RIIAD1: variants seen among roughly 807,000 people sequenced by gnomAD.
The protein encoded by RIIAD1 is RIIa domain-containing protein 1.
In RIIAD1, 15 loss-of-function variants were observed where a neutral mutation model predicts 13.3. The observed-to-expected ratio is 1.13, with a 90% CI of 0.76 to 1.74. The LOEUF (loss-of-function observed/expected upper bound fraction) is 1.74. RIIAD1 is among the 40% of genes most tolerant of loss of function. The probability of loss-of-function intolerance (pLI) is 0.00; values close to 1 mark genes in which losing one functional copy is unlikely to be tolerated. For synonymous variants in RIIAD1, 50 were observed against 43.3 expected, an observed-to-expected ratio of 1.16 and a Z score of -0.61; for missense variants, 121 against 112.2, an observed-to-expected ratio of 1.08 and a Z score of -0.35.
At chr1:151,716,295 A>C in intron 4 of RIIAD1, 1 of 414,596 alleles carries the variant, frequency 2.4e-6, no homozygotes. Flanking sequence ...GATCTGGCAA[A>C]TGTCCCAGGA....
At chr1:151,721,692 G>T in intron 1 of RIIAD1, 72 bp downstream of exon 1, 1 of 882,902 alleles carries the variant, frequency 1.1e-6, no homozygotes, top group South Asian at 3.2e-5. Flanking sequence ...CCCAGACTGG[G>T]AAGAGAGCCG....
At chr1:151,727,684 G>T (rs1257046741) in intron 3 of RIIAD1, 63 bp downstream of exon 3, 10 of 1,151,080 alleles carry the variant, frequency 8.7e-6, no homozygotes, top group African/African-American at 1.6e-5. Context: ...ATGATTGTGA[G>T]TTTAGACTTG....
chr1:151,715,161 C>T (rs769756392), intron 4 of RIIAD1, among the ~76,000 whole-genome samples: 8 of 152,016 alleles, frequency 5.3e-5, no homozygotes, highest in Non-Finnish European at 7.4e-5. Flanking sequence ...GTTAGTTAGC[C>T]GGAAGTGCCT....
intron 4 of RIIAD1, among the ~76,000 whole-genome samples, chr1:151,715,408 A>C (rs1673392697): frequency 6.6e-6 from 1 of 151,968 alleles, no homozygotes; most frequent in Non-Finnish European, 1.5e-5. Flanking sequence ...TTAGTCCTGG[A>C]GCTGCCCTGC....
At chr1:151,726,461 G>T (rs1558119717) in intron 2 of RIIAD1, among the ~76,000 whole-genome samples, 1 of 152,168 alleles carries the variant, frequency 6.6e-6, no homozygotes, top group Non-Finnish European at 1.5e-5. Context: ...GAGAAGGGGG[G>T]CAAAATTCTT....
Position 151,728,194 on chromosome 1 carries a change from C to A in RIIAD1, c.209-572C>A, listed in dbSNP as rs369227513. ...CTAACAGAATCTCAATACGCCTTTG[C>A]TAGCGCAGCAGATGCTGCCTCTGAT... On this transcript the variant is annotated intron_variant, in intron 3 of 4. Transcript: ENST00000479191. 1.3e-3 allele frequency among the ~76,000 whole-genome samples: 192 copies of A among 152,304 alleles called. 8 individuals are homozygous for A. The South Asian group carries it at 0.038, about 30-fold the overall frequency.
intron 3 of RIIAD1, chr1:151,714,317 C>T: frequency 1.7e-6 from 1 of 599,984 alleles, no homozygotes; most frequent in Non-Finnish European, 3.0e-6. Context: ...AGTCCTCCCT[C>T]TAGTGTTGCC....
intron 2 of RIIAD1, 114 bp from the exon 3 acceptor site, chr1:151,727,461 T>C (rs932464181): frequency 2.7e-6 from 2 of 737,186 alleles, no homozygotes; most frequent in Non-Finnish European, 4.8e-6. Flanking sequence ...ATTTATTGAC[T>C]CCCAAGATGG....
At chr1:151,722,287 A>T in intron 2 of RIIAD1, 125 bp downstream of exon 2, 1 of 670,760 alleles carries the variant, frequency 1.5e-6, no homozygotes, top group South Asian at 1.8e-5. Flanking sequence ...AACCATAAGG[A>T]TAAATACATA....
chr1:151,719,266 C>T (rs530139232), upstream of RIIAD1, among the ~76,000 whole-genome samples: 1 of 152,176 alleles, frequency 6.6e-6, no homozygotes, highest in East Asian at 1.9e-4. Context: ...GATGGGAGTC[C>T]TGTGAGGTAA....
At chr1:151,724,812 T>TG (rs1472084295) in intron 2 of RIIAD1, among the ~76,000 whole-genome samples, 1 of 151,926 alleles carries the variant, frequency 6.6e-6, no homozygotes, top group African/African-American at 2.4e-5. Context: ...TATTTTTTTT[T>TG]TTTTTGAGAC....
Position 151,725,424 on chromosome 1 carries a change from A to AG in RIIAD1, c.162-2151_162-2150insG, listed in dbSNP as rs202053903. ...ATCATGTCCTTCCTTGGCTGGAAAA[A>AG]TCTTCAGTAGTTCCACAACGTTGCT... On this transcript the variant is annotated intron_variant, in intron 2 of 4. Coordinates refer to ENST00000479191, the MANE Select transcript of RIIAD1 (RefSeq NM_001144956.3). Among the ~76,000 whole-genome samples, 1,341 of 152,186 alleles carry AG rather than the reference A, an allele frequency of 8.8e-3. 22 individuals carry two copies. Among genetic ancestry groups the AG allele is most frequent in the African/African-American group, 0.031 (1,281 of 41,530 alleles).
chr1:151,717,635 C>A (rs556476703), upstream of RIIAD1, among the ~76,000 whole-genome samples: 1 of 152,336 alleles, frequency 6.6e-6, no homozygotes, highest in East Asian at 1.9e-4. Context: ...ATGCAAACAA[C>A]CTCTGACAAC....
At chr1:151,723,741 C>T (rs1314761846) in intron 2 of RIIAD1, among the ~76,000 whole-genome samples, 2 of 152,108 alleles carry the variant, frequency 1.3e-5, no homozygotes, top group African/African-American at 2.4e-5. Flanking sequence ...ATATTATAGA[C>T]GTTTCTCCAA....
At chr1:151,723,425 T>C (rs2101509051) in intron 2 of RIIAD1, among the ~76,000 whole-genome samples, 1 of 148,876 alleles carries the variant, frequency 6.7e-6, no homozygotes, top group East Asian at 2.1e-4. Context: ...GCCAGGCAGA[T>C]GCGTTGGCTC....
Position 151,727,635 on chromosome 1 carries a change from C to T in RIIAD1, c.208+14C>T, listed in dbSNP as rs367946601. 3.3e-5 allele frequency: 51 copies of T among 1,541,156 alleles called. No homozygotes were observed. The highest frequency in any genetic ancestry group is 1.7e-4 in the Middle Eastern group (1 of 5,976). ...AATTTGCTGCAGGTGAGTAAGGCAGCGTCGGTTTTGGGTATCTGACAAAGC... is the reference window on the plus strand; with the variant it reads ...AATTTGCTGCAGGTGAGTAAGGCAGTGTCGGTTTTGGGTATCTGACAAAGC... On this transcript the variant is annotated intron_variant, in intron 3 of 4. Transcript: ENST00000479191.
rs2298294 is a variant in RIIAD1 at position 151,728,869 on chromosome 1, A to G, written c.*33A>G. On this transcript the variant is annotated 3_prime_UTR_variant, in exon 4 of 5. Transcript: ENST00000479191. ...AATCATGATGCTCAGCTGTTGGGAGAGACCAGACGGAATCCAGCCTCGGGG... is the reference window on the plus strand; with the variant it reads ...AATCATGATGCTCAGCTGTTGGGAGGGACCAGACGGAATCCAGCCTCGGGG... The G allele has an allele frequency of 0.21, 265,268 of 1,276,216 alleles. 28,985 individuals carry two copies. The highest frequency in any genetic ancestry group is 0.32 in the Middle Eastern group (1,759 of 5,468). The allele number at this position is 1,276,216 out of a possible 1,614,324, so 79.1% of individuals were successfully genotyped here.
chr1:151,724,061 G>C (rs1333546452), intron 2 of RIIAD1, among the ~76,000 whole-genome samples: 1 of 152,212 alleles, frequency 6.6e-6, no homozygotes, highest in African/African-American at 2.4e-5. Context: ...AACAGGATTA[G>C]AATGCTTGGG....
chr1:151,715,898 G>A, intron 4 of RIIAD1: 1 of 1,613,746 alleles, frequency 6.2e-7, no homozygotes, highest in Non-Finnish European at 8.5e-7. Flanking sequence ...CGGTGTACTT[G>A]TCCTTGATGA....
Sources: allele counts gnomAD v4.1 joint callset (sites outside exome capture counted in the v4.1 genomes callset), GRCh38; gene constraint gnomAD v4.1.1; transcripts MANE v1.5; gene names NCBI Gene and HGNC (gene_info 2026-07-23, HGNC 2026-07-21).